Variants in CDH18 observed in about 807,000 individuals in gnomAD.
CDH18 encodes cadherin 18.
CDH18 carries 31 observed loss-of-function variants against 67.9 expected under a neutral mutation model. The ratio of observed to expected loss-of-function variants is 0.46; its 90% CI spans 0.34 to 0.62. The LOEUF (loss-of-function observed/expected upper bound fraction) is 0.62. Among genes scored for constraint, CDH18 ranks in the 20% least tolerant of loss-of-function variants. The pLI is 0.01. For missense variants in CDH18, 890 were observed against 975.5 expected, an observed-to-expected ratio of 0.91 and a Z score of 1.17; for synonymous variants, 362 against 347.2, an observed-to-expected ratio of 1.04 and a Z score of -0.48.
chr5:19,721,419 A>G lies in CDH18; in HGVS notation c.571T>C (p.Tyr191His). 3.7e-6 allele frequency: 6 copies of G among 1,611,516 alleles called. No individual in the cohort carries two copies. The highest frequency in any genetic ancestry group is 5.1e-6 in the Non-Finnish European group (6 of 1,178,018). The change falls in exon 5 of 13, where the codon TAT becomes CAT. Residue 191 changes from tyrosine to histidine, a missense_variant. By Grantham distance (83) the Tyr-to-His change is moderately conservative (BLOSUM62 2). Coordinates refer to ENST00000382275, the MANE Select transcript of CDH18 (RefSeq NM_004934.5). Reference protein sequence around the residue: ...VTATDADDPTYGNSARVVYSI... With the variant: ...VTATDADDPTHGNSARVVYSI... ...TAAACCACCCGAGCGCTGTTTCCAT[A>G]GGTAGGGTCATCTGCATCAGTAGCT...
chr5:19,630,710 A>G (rs555844739), intron 5 of CDH18, among the ~76,000 whole-genome samples: 2 of 152,330 alleles, frequency 1.3e-5, no homozygotes, highest in East Asian at 3.9e-4. Context: ...AGTAAAGCAA[A>G]GGCTGCATTA....
At chr5:19,973,584 C>A (rs1330534178) in intron 2 of CDH18, among the ~76,000 whole-genome samples, 2 of 152,014 alleles carry the variant, frequency 1.3e-5, no homozygotes, top group Admixed American at 1.3e-4. Flanking sequence ...TATTGAAGAA[C>A]ATGGAAAAAG....
At chr5:19,873,244 A>G (rs1314563321) in intron 2 of CDH18, among the ~76,000 whole-genome samples, 1 of 151,604 alleles carries the variant, frequency 6.6e-6, no homozygotes, top group Non-Finnish European at 1.5e-5. Context: ...GCTCAAGAAC[A>G]AGAGAAAGCA....
At chr5:19,607,153 A>G (rs142814043) in intron 6 of CDH18, among the ~76,000 whole-genome samples, 330 of 151,810 alleles carry the variant, frequency 2.2e-3, no homozygotes, top group African/African-American at 7.6e-3. Context: ...TTCTGTCACT[A>G]AAAATGGGAA....
intron 3 of CDH18, among the ~76,000 whole-genome samples, chr5:19,747,464 A>T (rs1770182868): frequency 6.6e-6 from 1 of 151,982 alleles, no homozygotes; most frequent in Non-Finnish European, 1.5e-5. Context: ...TATTGATCTA[A>T]GAAAAAAACA....
intron 2 of CDH18, among the ~76,000 whole-genome samples, chr5:20,120,022 G>A (rs1486344148): frequency 6.6e-6 from 1 of 151,972 alleles, no homozygotes; most frequent in East Asian, 1.9e-4. Flanking sequence ...TAAAATGAAT[G>A]GTGTTCTAAA....
intron 3 of CDH18, among the ~76,000 whole-genome samples, chr5:19,781,094 T>G (rs1438545143): frequency 6.6e-6 from 1 of 152,128 alleles, no homozygotes; most frequent in African/African-American, 2.4e-5. Flanking sequence ...AATTTAAAAC[T>G]ACAATTAAAA....
At chr5:20,493,654 A>G (rs926921906) in intron 1 of CDH18, among the ~76,000 whole-genome samples, 16 of 152,114 alleles carry the variant, frequency 1.1e-4, no homozygotes, top group African/African-American at 1.7e-4. Context: ...GGCATCTTAT[A>G]TAATTCATTT....
intron 2 of CDH18, among the ~76,000 whole-genome samples, chr5:19,901,116 T>C (rs1280854060): frequency 6.6e-6 from 1 of 152,118 alleles, no homozygotes; most frequent in African/African-American, 2.4e-5. Context: ...ATTATTACTA[T>C]TTTCTTTATT....
rs190167320 is a variant in CDH18, at chr5:20,384,299, T to C, written c.-579-128794A>G. On this transcript the variant is annotated intron_variant, in intron 1 of 14. Transcript: ENST00000507958. ...ACCAGCATTCTACTTTCCATTTTTGTGGTTTTGACAATTTAGATATCACAT... is the reference window on the plus strand; with the variant it reads ...ACCAGCATTCTACTTTCCATTTTTGCGGTTTTGACAATTTAGATATCACAT... Among the ~76,000 whole-genome samples the C allele has an allele frequency of 1.8e-3, 269 of 152,290 alleles. 3 individuals are homozygous for C. The highest frequency in any genetic ancestry group is 6.0e-3 in the African/African-American group (250 of 41,568).
rs146851165 is a variant in CDH18, at chr5:19,791,599, A to G, written c.229-44363T>C. Among the ~76,000 whole-genome samples the G allele has an allele frequency of 3.8e-3, 582 of 152,276 alleles. 5 individuals carry two copies. Among genetic ancestry groups the G allele is most frequent in the African/African-American group, 0.013 (557 of 41,562 alleles). On this transcript the variant is annotated intron_variant, in intron 3 of 12. Coordinates refer to ENST00000382275, the MANE Select transcript of CDH18 (RefSeq NM_004934.5). ...ACTCATGCTCGCTGAGTGGAAAGGT[A>G]ACTTCTAGCAATATCAGTCAAATCC...
chr5:20,265,060 G>A (rs949934059), intron 1 of CDH18, among the ~76,000 whole-genome samples: 6 of 152,078 alleles, frequency 3.9e-5, no homozygotes, highest in African/African-American at 1.2e-4. Context: ...AATCTCAGAC[G>A]AATGTCACCA....
intron 1 of CDH18, among the ~76,000 whole-genome samples, chr5:20,307,996 G>A (rs1736621655): frequency 7.2e-6 from 1 of 138,182 alleles, no homozygotes; most frequent in South Asian, 2.5e-4. Context: ...GCTAAATTGT[G>A]TTTTTAAGAT....
intron 11 of CDH18, among the ~76,000 whole-genome samples, chr5:19,488,251 T>G (rs914870994): frequency 6.6e-6 from 1 of 152,208 alleles, no homozygotes. Context: ...AATTACCTTA[T>G]AGCTTAGAAA....
intron 2 of CDH18, among the ~76,000 whole-genome samples, chr5:19,860,875 T>C (rs1429237297): frequency 6.6e-6 from 1 of 152,170 alleles, no homozygotes; most frequent in Non-Finnish European, 1.5e-5. Flanking sequence ...AATTGTTTCC[T>C]AAATTACTTG....
intron 5 of CDH18, among the ~76,000 whole-genome samples, chr5:19,679,836 T>C (rs1760024282): frequency 6.6e-6 from 1 of 151,882 alleles, no homozygotes; most frequent in Admixed American, 6.6e-5. Flanking sequence ...TGGATAGGAA[T>C]AATTGATATT....
chr5:19,827,476 C>T (rs544534095), intron 3 of CDH18, among the ~76,000 whole-genome samples: 1 of 151,866 alleles, frequency 6.6e-6, no homozygotes, highest in African/African-American at 2.4e-5. Context: ...GTAAAATCAC[C>T]CACACAATAA....
intron 2 of CDH18, among the ~76,000 whole-genome samples, chr5:20,098,499 A>G (rs1180682020): frequency 2.0e-5 from 3 of 152,088 alleles, no homozygotes; most frequent in Non-Finnish European, 4.4e-5. Context: ...GAGTTTCCCA[A>G]ATCCTGACAA....
intron 11 of CDH18, among the ~76,000 whole-genome samples, chr5:19,487,474 T>G: frequency 6.6e-6 from 1 of 152,150 alleles, no homozygotes; most frequent in East Asian, 1.9e-4. Context: ...GTTTGGAAAA[T>G]ATTTCACATG....
Sources: gnomAD v4.1 joint callset for allele counts (sites outside exome capture counted in the v4.1 genomes callset) on GRCh38, gnomAD v4.1.1 for gene constraint, MANE v1.5 for transcripts, NCBI Gene and HGNC (gene_info 2026-07-23, HGNC 2026-07-21) for gene names.